OR10S1: variants seen among roughly 807,000 people sequenced by gnomAD.
OR10S1 encodes olfactory receptor 10S1.
For missense variants in OR10S1, 415 were observed against 407.9 expected, an observed-to-expected ratio of 1.02 and a Z score of -0.15; for synonymous variants, 167 against 164.1, an observed-to-expected ratio of 1.02 and a Z score of -0.13.
At chr11:123,977,644 G>A (rs1245079098) in exon 1 of OR10S1, 1 of 1,603,578 alleles carries the variant, frequency 6.2e-7, no homozygotes, top group Non-Finnish European at 8.5e-7. Flanking sequence ...TCTGGTTGGG[G>A]TTCTCCGTTG....
rs764689709 is a variant in OR10S1, at chr11:123,977,356, G to A, written c.309C>T (p.Ala103=). Residue 103 remains alanine (A), a synonymous_variant, in exon 1 of 1, where the codon GCC becomes GCT. Coordinates refer to ENST00000641123, the Ensembl canonical transcript of OR10S1. ...GAAAGTGGAAGCAATAAAGCTGTAC[G>A]GCACAGCCCTCAAAGGAGATCACCT... The A allele has an allele frequency of 1.2e-4, 199 of 1,613,982 alleles. No homozygotes were observed. In the Middle Eastern group the frequency reaches 1.8e-3, roughly 15 times the overall value.
exon 1 of OR10S1, chr11:123,977,286 G>A (rs139111775): frequency 8.4e-5 from 136 of 1,614,150 alleles, no homozygotes; most frequent in Middle Eastern, 1.6e-4. Context: ...GCCAGATAGC[G>A]GTCATAGGCC....
At position 123,977,151 on chromosome 11, in the gene OR10S1, G is replaced by GC. The variant is rs777126406; in HGVS notation, c.513dup (p.Leu172AlafsTer29). 1.9e-6 allele frequency: 3 copies of GC among 1,614,130 alleles called. No homozygotes were observed. Among genetic ancestry groups the GC allele is most frequent in the Admixed American group, 1.7e-5 (1 of 60,014 alleles). ...GCAATGTGGCAAGGCCCACAGTAGA[G>GC]CAGGCGGAAGGTGAGGGAGGTGTGG... On this transcript the variant is annotated frameshift_variant, in exon 1 of 1. Transcript: ENST00000641123. LOFTEE classifies it low-confidence loss of function (END_TRUNC).
exon 1 of OR10S1, chr11:123,977,248 C>T: frequency 2.5e-6 from 4 of 1,614,170 alleles, no homozygotes; most frequent in Non-Finnish European, 3.4e-6. Flanking sequence ...TGTTCATGGC[C>T]ACTGGGTAGT....
At chr11:123,976,796 G>A in exon 1 of OR10S1, 1 of 1,614,206 alleles carries the variant, frequency 6.2e-7, no homozygotes, top group Non-Finnish European at 8.5e-7. Context: ...GTAAATGAAT[G>A]GGTTGAGCAT....
exon 1 of OR10S1, chr11:123,977,549 T>C (rs759210760): frequency 1.9e-6 from 3 of 1,613,672 alleles, no homozygotes; most frequent in Non-Finnish European, 2.5e-6. Flanking sequence ...AGTGATGCTG[T>C]AGATGAGGAG....
At position 123,976,871 on chromosome 11, in the gene OR10S1, AG is replaced by A; in HGVS notation, c.793del (p.Leu265CysfsTer20). On this transcript the variant is annotated frameshift_variant, in exon 1 of 1. Transcript: ENST00000641123. LOFTEE classifies it low-confidence loss of function (END_TRUNC). Reference sequence around the variant, plus strand: ...TCCTGCCTCACTGGAGCGAGGCTGCAGGTAGATACAGACAGGTGGCACGTAG... The same window carrying A: ...TCCTGCCTCACTGGAGCGAGGCTGCAGTAGATACAGACAGGTGGCACGTAG... 1.2e-6 allele frequency: 2 copies of A among 1,614,166 alleles called. No homozygotes were observed. Among genetic ancestry groups the A allele is most frequent in the Non-Finnish European group, 1.7e-6 (2 of 1,180,022 alleles).
chr11:123,977,528 T>C (rs140511439), exon 1 of OR10S1: 81 of 1,613,708 alleles, frequency 5.0e-5, no homozygotes, highest in Non-Finnish European at 6.4e-5. Flanking sequence ...GATGAGGAGA[T>C]TCCCAGCCAC....
At chr11:123,977,189 G>T (rs777181185) in exon 1 of OR10S1, 2 of 1,614,070 alleles carry the variant, frequency 1.2e-6, no homozygotes, top group East Asian at 4.5e-5. Context: ...TGCAGCGTGC[G>T]TGGCACCTAT....
At chr11:123,976,848 C>T (rs1475756898) in exon 1 of OR10S1, 1 of 1,614,194 alleles carries the variant, frequency 6.2e-7, no homozygotes, top group South Asian at 1.1e-5. Flanking sequence ...GCCCCAGCTC[C>T]TGCCTCACTG....
exon 1 of OR10S1, chr11:123,976,700 G>C (rs1477812337): frequency 1.2e-6 from 2 of 1,606,714 alleles, no homozygotes; most frequent in Admixed American, 1.7e-5. Context: ...CACAGACTAT[G>C]GGGGTGGGCT....
At position 123,977,592 on chromosome 11, in the gene OR10S1, C is replaced by T. The variant is rs1863733606; in HGVS notation, c.73G>A (p.Ala25Thr). 9 of 1,611,906 alleles carry T rather than the reference C, an allele frequency of 5.6e-6. No individual in the cohort carries two copies. Among genetic ancestry groups the T allele is most frequent in the South Asian group, 1.1e-5 (1 of 91,076 alleles). ...AGGAAGAAGAGGCTAGAATGTTTAG[C>T]GGTGTACCTCAAACCCTCCAGGAAG... is the stretch of plus-strand genomic sequence containing the variant. The change falls in exon 1 of 1, where the codon GCT becomes ACT. Residue 25 changes from alanine (A) to threonine (T), a missense_variant. By Grantham distance (58) the Ala-to-Thr change is moderately conservative (BLOSUM62 0). Transcript: ENST00000641123.
chr11:123,977,365 C>T, exon 1 of OR10S1: 1 of 1,614,126 alleles, frequency 6.2e-7, no homozygotes, highest in Non-Finnish European at 8.5e-7. Flanking sequence ...CGGCACAGCC[C>T]TCAAAGGAGA....
At chr11:123,977,427 C>A (rs200775631) in exon 1 of OR10S1, 5 of 1,614,110 alleles carry the variant, frequency 3.1e-6, no homozygotes, top group Middle Eastern at 1.6e-4. Context: ...GGCACTGTCA[C>A]TGTAGACAAA....
At position 123,977,737 on chromosome 11, in the gene OR10S1, C is replaced by A; in HGVS notation, c.-73G>T. The stretch of plus-strand genomic sequence containing the variant: ...CATTAATGGAATAAATAGCTGTATC[C>A]CTTTCCTGAGATGTCATTATCCATC... On this transcript the variant is annotated 5_prime_UTR_variant, in exon 1 of 1. It introduces an in-frame stop codon into an upstream open reading frame of the 5' UTR. Transcript: ENST00000641123. 6.5e-7 allele frequency: 1 copy of A among 1,535,690 alleles called. No homozygotes were observed. Among genetic ancestry groups the A allele is most frequent in the Non-Finnish European group, 8.8e-7 (1 of 1,134,794 alleles).
At chr11:123,977,538 C>G (rs762347379) in exon 1 of OR10S1, 1 of 1,613,970 alleles carries the variant, frequency 6.2e-7, no homozygotes, top group South Asian at 1.1e-5. Context: ...TTCCCAGCCA[C>G]AGTGATGCTG....
In OR10S1 at chr11:123,976,696, C is replaced by CT. The variant is rs777535727; in HGVS notation, c.968dup (p.Ter323=). Residue 323 remains the stop codon, a frameshift_variant and stop_retained_variant, in exon 1 of 1, where the codon TAG becomes TAAG. Coordinates refer to ENST00000641123, the Ensembl canonical transcript of OR10S1. LOFTEE classifies it high-confidence loss of function. ...AAATTGTGAGTTTTGATAGCACAGA[C>CT]TATGGGGGTGGGCTGCCTGCTGTAG... The CT allele has an allele frequency of 5.0e-6, 8 of 1,604,532 alleles. No homozygotes were observed.
At chr11:123,976,779 G>T (rs771347462) in exon 1 of OR10S1, 2 of 1,614,162 alleles carry the variant, frequency 1.2e-6, no homozygotes, top group East Asian at 2.2e-5. Flanking sequence ...TCCTTGTTCC[G>T]CAAAGTGTAA....
exon 1 of OR10S1, chr11:123,976,863 G>A (rs1294874537): frequency 4.3e-6 from 7 of 1,614,042 alleles, no homozygotes; most frequent in South Asian, 3.3e-5. Context: ...TCACTGGAGC[G>A]AGGCTGCAGG....
Sources: gnomAD v4.1 joint callset for allele counts on GRCh38, gnomAD v4.1.1 for gene constraint, MANE v1.5 for transcripts, NCBI Gene and HGNC (gene_info 2026-07-23, HGNC 2026-07-21) for gene names.